Variants in CDKAL1 observed in about 807,000 individuals in gnomAD.
The protein encoded by CDKAL1 is CDKAL1 threonylcarbamoyladenosine tRNA methylthiotransferase.
In CDKAL1, 32 loss-of-function variants were observed where a neutral mutation model predicts 68.2. The observed-to-expected ratio is 0.47, with a 90% CI of 0.35 to 0.63. The LOEUF (loss-of-function observed/expected upper bound fraction) is 0.63. Ranked by LOEUF, CDKAL1 falls within the 30% of genes least tolerant of loss-of-function variation. The pLI, the probability that CDKAL1 is intolerant of heterozygous loss-of-function variation, is 0.00. For synonymous variants in CDKAL1, 234 were observed against 244.3 expected, an observed-to-expected ratio of 0.96 and a Z score of 0.39; for missense variants, 606 against 696.7, an observed-to-expected ratio of 0.87 and a Z score of 1.47.
chr6:21,183,399 C>T (rs2151088500), intron 13 of CDKAL1, among the ~76,000 whole-genome samples: 1 of 152,264 alleles, frequency 6.6e-6, no homozygotes, highest in Admixed American at 6.5e-5. Context: ...CCTAATTCCT[C>T]CGGCACCTTT....
intron 15 of CDKAL1, among the ~76,000 whole-genome samples, chr6:21,226,170 G>A (rs1402215353): frequency 2.0e-5 from 3 of 152,002 alleles, no homozygotes; most frequent in African/African-American, 4.8e-5. Flanking sequence ...CCAACAATAC[G>A]TGCACAACTG....
At chr6:21,001,809 A>T (rs1767440225) in intron 11 of CDKAL1, among the ~76,000 whole-genome samples, 2 of 152,236 alleles carry the variant, frequency 1.3e-5, no homozygotes, top group Non-Finnish European at 2.9e-5. Context: ...TCAAAATTTC[A>T]AGTCAGTTGC....
chr6:20,799,271 C>T (rs191793250), intron 8 of CDKAL1, among the ~76,000 whole-genome samples: 2,413 of 151,916 alleles, frequency 0.016, 21 homozygotes, highest in Non-Finnish European at 0.026. Flanking sequence ...AGGTTGGTCT[C>T]GAACTCCCAA....
At chr6:20,619,788 G>A (rs1293819012) in intron 4 of CDKAL1, among the ~76,000 whole-genome samples, 1 of 152,102 alleles carries the variant, frequency 6.6e-6, no homozygotes, top group Non-Finnish European at 1.5e-5. Flanking sequence ...ATTTAATGAG[G>A]CACTTGTTTG....
intron 6 of CDKAL1, chr6:20,756,038 C>T (rs1168327131): frequency 1.3e-5 from 2 of 152,078 alleles, no homozygotes; most frequent in Non-Finnish European, 2.9e-5. Context: ...CATGCTTTAC[C>T]CCTAACCTCT....
At chr6:21,135,814 C>T (rs1007981456) in intron 13 of CDKAL1, 30 of 427,344 alleles carry the variant, frequency 7.0e-5, no homozygotes, top group African/African-American at 2.4e-4. Context: ...CATTGGAGAA[C>T]GGGTGCCATC....
At chr6:20,820,341 T>A (rs1275611309) in intron 8 of CDKAL1, among the ~76,000 whole-genome samples, 2 of 152,144 alleles carry the variant, frequency 1.3e-5, no homozygotes, top group Non-Finnish European at 2.9e-5. Context: ...ACCTATACTG[T>A]TTGAGGCCTT....
At chr6:21,046,837 G>A (rs1349485045) in intron 11 of CDKAL1, among the ~76,000 whole-genome samples, 3 of 152,168 alleles carry the variant, frequency 2.0e-5, no homozygotes, top group Non-Finnish European at 4.4e-5. Flanking sequence ...AATGAGTTTA[G>A]AATGACGAGA....
chr6:21,010,999 G>A (rs1190358197), intron 11 of CDKAL1, among the ~76,000 whole-genome samples: 3 of 150,474 alleles, frequency 2.0e-5, no homozygotes, highest in Non-Finnish European at 4.4e-5. Context: ...GGAGAATGGT[G>A]TGAACCCGGG....
chr6:20,796,399 A>G (rs957206176), intron 8 of CDKAL1, among the ~76,000 whole-genome samples: 2 of 152,226 alleles, frequency 1.3e-5, no homozygotes, highest in African/African-American at 4.8e-5. Flanking sequence ...AGTATAGTAA[A>G]TGACAATTCT....
intron 12 of CDKAL1, among the ~76,000 whole-genome samples, chr6:21,065,715 T>A: frequency 6.7e-6 from 1 of 149,164 alleles, no homozygotes; most frequent in East Asian, 2.0e-4. Context: ...GAGCCTCAAT[T>A]TAATTTTATC....
intron 9 of CDKAL1, among the ~76,000 whole-genome samples, chr6:20,931,116 A>G (rs183834742): frequency 2.3e-4 from 35 of 152,376 alleles, no homozygotes; most frequent in Admixed American, 2.1e-3. Flanking sequence ...CTACCTAGCT[A>G]GTAAACAGTA....
In CDKAL1 at chr6:20,546,381, G is replaced by T. The variant is rs758224017; in HGVS notation, c.31G>T (p.Asp11Tyr). MPSASCDTLLDDIEDIVSQED... is the reference protein window; with the variant it reads MPSASCDTLLYDIEDIVSQED... ...TTCTGCATCCTGTGATACACTACTG[G>T]ATGACATCGAAGATATCGTGTCTCA... is the stretch of plus-strand genomic sequence containing the variant. The change falls in exon 3 of 16, where the codon GAT becomes TAT. Residue 11 changes from aspartate to tyrosine, a missense_variant. Transcript: ENST00000274695. The T allele has an allele frequency of 5.0e-6, 8 of 1,613,744 alleles. No homozygotes were observed. The East Asian group carries it at 1.8e-4, about 36-fold the overall frequency.
intron 4 of CDKAL1, among the ~76,000 whole-genome samples, chr6:20,640,013 G>A (rs1768094951): frequency 1.3e-5 from 2 of 152,162 alleles, no homozygotes; most frequent in Non-Finnish European, 2.9e-5. Context: ...GTACCTTAAG[G>A]GTGCTTTCGA....
intron 9 of CDKAL1, among the ~76,000 whole-genome samples, chr6:20,867,405 T>C (rs1018879940): frequency 6.6e-6 from 1 of 152,200 alleles, no homozygotes; most frequent in African/African-American, 2.4e-5. Flanking sequence ...TTCTAACATG[T>C]AAAAAGTGTG....
chr6:20,621,974 G>A (rs187819075), intron 4 of CDKAL1, among the ~76,000 whole-genome samples: 1 of 151,940 alleles, frequency 6.6e-6, no homozygotes, highest in Non-Finnish European at 1.5e-5. Flanking sequence ...CAGTGTCAGG[G>A]AAAAATGTGT....
chr6:21,022,705 G>C (rs1428935816), intron 11 of CDKAL1, among the ~76,000 whole-genome samples: 1 of 152,194 alleles, frequency 6.6e-6, no homozygotes, highest in East Asian at 1.9e-4. Context: ...GACTTTTACT[G>C]TGCTCAGACT....
rs147677591 is a variant in CDKAL1, at chr6:20,553,054, G to C, written c.286+4349G>C. On this transcript the variant is annotated intron_variant, in intron 4 of 15. Transcript: ENST00000274695. ...GTATAAAATATACCTTATGTATAAT[G>C]TATAGGGAGTTTATTGAAAACAGTA... 7.8e-4 allele frequency among the ~76,000 whole-genome samples: 119 copies of C among 152,274 alleles called. 1 individual carries two copies. The highest frequency in any genetic ancestry group is 2.7e-3 in the African/African-American group (114 of 41,560).
chr6:20,794,213 T>C (rs1287742787), intron 8 of CDKAL1, among the ~76,000 whole-genome samples: 1 of 152,102 alleles, frequency 6.6e-6, no homozygotes, highest in African/African-American at 2.4e-5. Context: ...TATGTAAGAA[T>C]CATGTTTTAT....
Sources: gnomAD v4.1 joint callset for allele counts (sites outside exome capture counted in the v4.1 genomes callset) on GRCh38, gnomAD v4.1.1 for gene constraint, MANE v1.5 for transcripts, NCBI Gene and HGNC (gene_info 2026-07-23, HGNC 2026-07-21) for gene names.